GLG1: variants seen among roughly 807,000 people sequenced by gnomAD.
GLG1 encodes Golgi apparatus protein 1.
Under a neutral mutation model 160.5 loss-of-function variants are expected in GLG1, and 38 were observed. The ratio of observed to expected loss-of-function variants is 0.24; its 90% CI spans 0.18 to 0.31. The LOEUF (loss-of-function observed/expected upper bound fraction) is 0.31. Ranked by LOEUF, GLG1 falls within the 10% of genes least tolerant of loss-of-function variation. The pLI is 1.00. For missense variants in GLG1, 1,373 were observed against 1,505.2 expected (o/e 0.91, Z 1.45); for synonymous variants, 644 against 543.4 (o/e 1.19, Z -2.57).
intron 1 of GLG1, among the ~76,000 whole-genome samples, chr16:74,591,536 G>A (rs911388389): frequency 2.1e-5 from 3 of 140,744 alleles, no homozygotes; most frequent in East Asian, 2.2e-4. Context: ...GCTGAGGCAG[G>A]AGAATGGCCT....
At chr16:74,494,432 A>T (rs185893928) in intron 6 of GLG1, among the ~76,000 whole-genome samples, 1 of 117,254 alleles carries the variant, frequency 8.5e-6, no homozygotes, top group Admixed American at 1.0e-4. Context: ...TTTGAGACAG[A>T]GTCTCACTCT....
intron 1 of GLG1, among the ~76,000 whole-genome samples, chr16:74,566,042 A>G (rs780878485): frequency 4.6e-5 from 7 of 152,134 alleles, no homozygotes; most frequent in African/African-American, 9.7e-5. Flanking sequence ...CGTTTTCCTC[A>G]TGGGTTATAG....
At chr16:74,519,893 T>C (rs1455259548) in intron 2 of GLG1, among the ~76,000 whole-genome samples, 1 of 152,170 alleles carries the variant, frequency 6.6e-6, no homozygotes, top group Non-Finnish European at 1.5e-5. Context: ...CTGGTCCCAC[T>C]CCTCCCCATA....
intron 15 of GLG1, among the ~76,000 whole-genome samples, chr16:74,470,541 C>G (rs1244863922): frequency 6.6e-6 from 1 of 150,532 alleles, no homozygotes; most frequent in African/African-American, 2.4e-5. Context: ...CTCTGCCTCC[C>G]GGGTTCAAGT....
At chr16:74,481,763 C>T (rs1392047650) in intron 10 of GLG1, among the ~76,000 whole-genome samples, 2 of 152,180 alleles carry the variant, frequency 1.3e-5, no homozygotes, top group Non-Finnish European at 2.9e-5. Context: ...CTCACTGTAA[C>T]CTACAGCTCC....
At chr16:74,601,744 T>G (rs954841141) in intron 1 of GLG1, among the ~76,000 whole-genome samples, 1 of 152,208 alleles carries the variant, frequency 6.6e-6, no homozygotes, top group East Asian at 1.9e-4. Context: ...AATACTTCAA[T>G]GCACTGTTAC....
Position 74,590,014 on chromosome 16 carries a change from T to TTG in GLG1, c.438+16642_438+16643insCA, listed in dbSNP as rs1288717529. 9.2e-4 allele frequency among the ~76,000 whole-genome samples: 122 copies of TTG among 132,994 alleles called. No homozygotes were observed. In the East Asian group the frequency reaches 0.01, roughly 11 times the overall value. 87.2% of individuals were successfully genotyped at this position (132,994 alleles called of 152,430 possible). On this transcript the variant is annotated intron_variant, in intron 1 of 25. Coordinates refer to ENST00000422840, the MANE Select transcript of GLG1 (RefSeq NM_001145667.2). Reference sequence around the variant, plus strand: ...CTTCACTTTTGTTGTTGTTGTTGTTTTTTTGAGATGGAGTCTAGCTCTGTA... The same window carrying TTG: ...CTTCACTTTTGTTGTTGTTGTTGTTTTGTTTTGAGATGGAGTCTAGCTCTGTA...
chr16:74,549,215 G>A (rs1481015324), intron 1 of GLG1, among the ~76,000 whole-genome samples: 1 of 152,148 alleles, frequency 6.6e-6, no homozygotes, highest in African/African-American at 2.4e-5. Flanking sequence ...TATGACCACA[G>A]TATGCTTTCT....
intron 1 of GLG1, among the ~76,000 whole-genome samples, chr16:74,589,819 C>A (rs1352621555): frequency 6.6e-6 from 1 of 152,084 alleles, no homozygotes; most frequent in East Asian, 1.9e-4. Flanking sequence ...CGCCTGTGGT[C>A]CCAGCTGCTC....
chr16:74,537,957 G>A, intron 1 of GLG1, among the ~76,000 whole-genome samples: 1 of 152,200 alleles, frequency 6.6e-6, no homozygotes, highest in East Asian at 1.9e-4. Context: ...GAGTTAATGA[G>A]TCTGGAAGGA....
intron 6 of GLG1, among the ~76,000 whole-genome samples, chr16:74,493,347 T>C (rs1043148329): frequency 2.1e-4 from 32 of 152,230 alleles, no homozygotes; most frequent in Non-Finnish European, 3.2e-4. Flanking sequence ...GTGGGGAACC[T>C]AGAAATTCTG....
Position 74,477,487 on chromosome 16 carries a change from C to A in GLG1, c.1874G>T (p.Arg625Leu), listed in dbSNP as rs369140595. 2 of 1,610,188 alleles carry A rather than the reference C, an allele frequency of 1.2e-6. No individual in the cohort carries two copies. The highest frequency in any genetic ancestry group is 1.7e-6 in the Non-Finnish European group (2 of 1,176,420). The change falls in exon 12 of 26, where the codon CGT becomes CTT. Residue 625 changes from arginine to leucine, a missense_variant. Arg to Leu is a moderately radical substitution (Grantham distance 102). Transcript: ENST00000422840. ...RAEVQRILHQ[R>L]AMDVKLDPAL... ...AGGATCCAGCTTGACATCCATGGCA[C>A]GCTGGTGTAGGATCCTTTGGACTTC...
intron 1 of GLG1, among the ~76,000 whole-genome samples, chr16:74,543,808 AC>A (rs2017969816): frequency 1.3e-5 from 2 of 152,030 alleles, no homozygotes; most frequent in Non-Finnish European, 2.9e-5. Context: ...AGTACAAAAG[AC>A]CGGGAGAATC....
chr16:74,604,004 C>T (rs1433867391), intron 1 of GLG1, among the ~76,000 whole-genome samples: 1 of 151,174 alleles, frequency 6.6e-6, no homozygotes, highest in East Asian at 1.9e-4. Context: ...AAAAAAGAAT[C>T]CCAAGGCCAG....
rs114491569 is a variant in GLG1, at chr16:74,453,001, T to C, written c.*166A>G. ...CACGGTGAGGAGGAGGAGGACACCA[T>C]GGACACGAGTGGAGGCTGGATGGGA... On this transcript the variant is annotated 3_prime_UTR_variant, in exon 26 of 26. Coordinates refer to ENST00000422840, the MANE Select transcript of GLG1 (RefSeq NM_001145667.2). 4.5e-4 allele frequency: 607 copies of C among 1,354,690 alleles called. 5 individuals carry two copies. The African/African-American group carries it at 8.1e-3, about 18-fold the overall frequency. The allele number at this position is 1,354,690 out of a possible 1,614,324, so 83.9% of individuals were successfully genotyped here. A position where few individuals can be genotyped will look rare whatever the true frequency, so the allele number is the denominator to read the frequency against.
intron 1 of GLG1, among the ~76,000 whole-genome samples, chr16:74,567,347 C>G (rs2018684784): frequency 6.6e-6 from 1 of 152,028 alleles, no homozygotes; most frequent in African/African-American, 2.4e-5. Flanking sequence ...ACAATAGTTT[C>G]ACTGAAATTT....
rs11642283 is a variant in GLG1 at position 74,585,704 on chromosome 16, C to G, written c.438+20953G>C. On this transcript the variant is annotated intron_variant, in intron 1 of 25. Transcript: ENST00000422840. ...GCCTGGGTGACAGAGCCTGAGACTCCGTCTCAAAAAAAAAAAAAAAAAAGG... is the reference window on the plus strand; with the variant it reads ...GCCTGGGTGACAGAGCCTGAGACTCGGTCTCAAAAAAAAAAAAAAAAAAGG... 5.1e-5 allele frequency among the ~76,000 whole-genome samples: 7 copies of G among 138,456 alleles called. 1 individual carries two copies. In the South Asian group the frequency reaches 1.2e-3, roughly 23 times the overall value. 90.8% of individuals were successfully genotyped at this position (138,456 alleles called of 152,430 possible). A position where few individuals can be genotyped will look rare whatever the true frequency, so the allele number is the denominator to read the frequency against.
chr16:74,523,931 C>A (rs915574987), intron 2 of GLG1, among the ~76,000 whole-genome samples: 3 of 152,060 alleles, frequency 2.0e-5, no homozygotes, highest in Non-Finnish European at 4.4e-5. Context: ...AAATAATAGG[C>A]CAGGCGCGGT....
intron 1 of GLG1, among the ~76,000 whole-genome samples, chr16:74,570,647 AC>A (rs1374067871): frequency 6.6e-6 from 1 of 152,148 alleles, no homozygotes; most frequent in East Asian, 1.9e-4. Context: ...TGTAATCACA[AC>A]ACTTTGGGAC....
Sources: allele counts gnomAD v4.1 joint callset (sites outside exome capture counted in the v4.1 genomes callset), GRCh38; gene constraint gnomAD v4.1.1; transcripts MANE v1.5; gene names NCBI Gene and HGNC (gene_info 2026-07-23, HGNC 2026-07-21).